Variants in A1CF observed in about 807,000 individuals in gnomAD.
A1CF encodes the protein APOBEC1 complementation factor.
A neutral mutation model predicts 68.9 loss-of-function variants in A1CF; 48 were observed. The observed-to-expected ratio is 0.70, with a 90% CI of 0.55 to 0.89. The LOEUF is 0.89. Ranked by LOEUF, A1CF falls within the 40% of genes least tolerant of loss-of-function variation. A1CF has a pLI of 0.00. For missense variants in A1CF, 653 were observed against 718.9 expected (o/e 0.91, Z 1.05); for synonymous variants, 272 against 260.4 (o/e 1.04, Z -0.43).
intron 11 of A1CF, among the ~76,000 whole-genome samples, chr10:50,810,528 T>G (rs981896347): frequency 2.0e-5 from 3 of 152,158 alleles, no homozygotes; most frequent in Non-Finnish European, 2.9e-5. Flanking sequence ...ATTGCCCAGG[T>G]TGGAGTGCAG....
chr10:50,835,031 A>G (rs1030029781), intron 6 of A1CF, among the ~76,000 whole-genome samples: 4 of 152,202 alleles, frequency 2.6e-5, no homozygotes, highest in African/African-American at 9.7e-5. Context: ...TGTGATTTAG[A>G]TGACTTGACC....
In A1CF at chr10:50,806,672, CTTT is replaced by C; in HGVS notation, c.*54_*56del. On this transcript the variant is annotated 3_prime_UTR_variant, in exon 13 of 13. Coordinates refer to ENST00000373997, the MANE Select transcript of A1CF (RefSeq NM_014576.4). Reference sequence around the variant, plus strand: ...TGGGGACCGAGTTAGAGGTTTATTTCTTTTTTTTTTTTAATAGAGTTTTGTGTG... The same window carrying C: ...TGGGGACCGAGTTAGAGGTTTATTTCTTTTTTTTTAATAGAGTTTTGTGTG... 7.1e-6 allele frequency: 8 copies of C among 1,121,996 alleles called. No individual in the cohort carries two copies. The highest frequency in any genetic ancestry group is 3.0e-5 in the East Asian group (1 of 33,376). The allele number at this position is 1,121,996 out of a possible 1,614,324, so 69.5% of individuals were successfully genotyped here.
intron 3 of A1CF, among the ~76,000 whole-genome samples, chr10:50,851,614 A>G (rs939864848): frequency 6.6e-6 from 1 of 152,112 alleles, no homozygotes; most frequent in Non-Finnish European, 1.5e-5. Flanking sequence ...GACACTGTCT[A>G]CTAAAAGCTC....
intron 1 of A1CF, among the ~76,000 whole-genome samples, chr10:50,879,871 GT>G (rs1841692462): frequency 6.6e-6 from 1 of 152,102 alleles, no homozygotes; most frequent in South Asian, 2.1e-4. Context: ...CACAAAATGG[GT>G]CTCCTTTAAC....
Position 50,803,129 on chromosome 10 carries a change from C to T in A1CF, c.*3600G>A, listed in dbSNP as rs1751553749. 1 of 152,388 alleles carries T rather than the reference C, an allele frequency of 6.6e-6. No homozygotes were observed. The highest frequency in any genetic ancestry group is 1.9e-4 in the East Asian group (1 of 5,186). 9.4% of individuals were successfully genotyped at this position (152,388 alleles called of 1,614,324 possible). On this transcript the variant is annotated 3_prime_UTR_variant, in exon 13 of 13. Transcript: ENST00000373997. ...TTGGAGACAGGGTCTTGCTCTGTCACCCAGGCTGGAGTGCAGCGATGTGAA... is the reference window on the plus strand; with the variant it reads ...TTGGAGACAGGGTCTTGCTCTGTCATCCAGGCTGGAGTGCAGCGATGTGAA...
intron 3 of A1CF, among the ~76,000 whole-genome samples, chr10:50,851,034 T>C (rs1840217816): frequency 6.6e-6 from 1 of 152,252 alleles, no homozygotes; most frequent in Non-Finnish European, 1.5e-5. Flanking sequence ...TTTGGGTAAT[T>C]GCTCTTCTAT....
At chr10:50,842,407 T>C (rs1839822415) in intron 4 of A1CF, among the ~76,000 whole-genome samples, 1 of 152,180 alleles carries the variant, frequency 6.6e-6, no homozygotes, top group African/African-American at 2.4e-5. Flanking sequence ...CCCTGGGAAT[T>C]TGAAACCAGT....
intron 7 of A1CF, among the ~76,000 whole-genome samples, chr10:50,825,670 GAAGA>G (rs1294319093): frequency 2.0e-5 from 3 of 152,140 alleles, no homozygotes; most frequent in South Asian, 2.1e-4. Flanking sequence ...CCTATATGGA[GAAGA>G]AAGAGATGGG....
At chr10:50,865,284 C>A (rs1229420221) in intron 1 of A1CF, among the ~76,000 whole-genome samples, 1 of 148,034 alleles carries the variant, frequency 6.8e-6, no homozygotes, top group Non-Finnish European at 1.5e-5. Flanking sequence ...ACTACTGCTG[C>A]TGCTGCTGCT....
At chr10:50,850,800 C>T (rs996319614) in intron 3 of A1CF, 8 of 1,609,708 alleles carry the variant, frequency 5.0e-6, no homozygotes, top group Non-Finnish European at 6.8e-6. Context: ...ATAGGAACCT[C>T]TAAATTCCTT....
intron 12 of A1CF, 148 bp downstream of exon 12, chr10:50,809,746 A>C (rs748521412): frequency 4.1e-6 from 5 of 1,232,142 alleles, no homozygotes; most frequent in Non-Finnish European, 5.6e-6. Flanking sequence ...TGAGTCACTC[A>C]TTTGGGAAAC....
chr10:50,831,690 T>G lies in A1CF; in HGVS notation c.605-3395A>C, dbSNP rs548307621. ...TTGCAGTGAGCCAAGATCATGCCAT[T>G]GCACTCTAGCCTGGGCAATAAGAGT... On this transcript the variant is annotated intron_variant, in intron 6 of 12. Transcript: ENST00000373997. 6.6e-5 allele frequency among the ~76,000 whole-genome samples: 10 copies of G among 152,286 alleles called. No homozygotes were observed. In the South Asian group the frequency reaches 2.1e-3, roughly 32 times the overall value.
Position 50,813,982 on chromosome 10 carries a change from C to T in A1CF, c.1198G>A (p.Gly400Ser). The T allele has an allele frequency of 6.2e-7, 1 of 1,613,844 alleles. No individual in the cohort carries two copies. The highest frequency in any genetic ancestry group is 8.5e-7 in the Non-Finnish European group (1 of 1,179,864). Residue 400 changes from glycine to serine, a missense_variant, in exon 10 of 13, where the codon GGT becomes AGT. Coordinates refer to ENST00000373997, the MANE Select transcript of A1CF (RefSeq NM_014576.4). The part of the protein sequence containing the change: ...GRGYLAYTGL[G>S]RGYQVKGDKR... ...TCTCCTTTGACCTGGTATCCTCGAC[C>T]CAGGCCTGTGTATGCCAAATAGCCA...
In A1CF at chr10:50,883,819, A is replaced by G. The variant is rs961683821; in HGVS notation, c.-94+1762T>C. ...TAATGGTTACGTGCTTGGGCTCTGG[A>G]TCAGACTACCAGACAAAGGAGCCTG... On this transcript the variant is annotated intron_variant, in intron 1 of 12. Transcript: ENST00000373997. Among the ~76,000 whole-genome samples, 3 of 152,186 alleles carry G rather than the reference A, an allele frequency of 2.0e-5. No homozygotes were observed. The East Asian group carries it at 5.8e-4, about 29-fold the overall frequency.
chr10:50,802,127 A>C lies in A1CF; in HGVS notation c.*4602T>G, dbSNP rs1588951271. On this transcript the variant is annotated 3_prime_UTR_variant, in exon 13 of 13. Transcript: ENST00000373997. Reference sequence around the variant, plus strand: ...TAAGAGAGGGAATGGGAGTCAGAAAAATCTCATTTTCCTTAGTTTCACTCA... The same window carrying C: ...TAAGAGAGGGAATGGGAGTCAGAAACATCTCATTTTCCTTAGTTTCACTCA... The C allele has an allele frequency of 1.3e-5, 2 of 152,300 alleles. No individual in the cohort carries two copies. 9.4% of individuals were successfully genotyped at this position (152,300 alleles called of 1,614,324 possible).
At chr10:50,863,599 C>T (rs943924192) in intron 2 of A1CF, among the ~76,000 whole-genome samples, 2 of 152,098 alleles carry the variant, frequency 1.3e-5, no homozygotes, top group Admixed American at 6.5e-5. Context: ...AACCAAACCT[C>T]TCATCCCCCA....
At chr10:50,870,669 G>A (rs2132577786) in intron 1 of A1CF, among the ~76,000 whole-genome samples, 1 of 151,826 alleles carries the variant, frequency 6.6e-6, no homozygotes, top group South Asian at 2.1e-4. Flanking sequence ...GATCCAGATG[G>A]TTTTATTAGG....
rs377164937 is a variant in A1CF at position 50,810,981 on chromosome 10, A to G, written c.1460+59T>C. The G allele has an allele frequency of 1.8e-5, 27 of 1,519,962 alleles. No homozygotes were observed. The East Asian group carries it at 5.1e-4, about 29-fold the overall frequency. 94.2% of individuals were successfully genotyped at this position (1,519,962 alleles called of 1,614,324 possible). ...TCTTGTTTAGATGGTGACTAAATGC[A>G]TTTAATTTATAAGTGTATCCTGCTC... On this transcript the variant is annotated intron_variant, in intron 11 of 12. Transcript: ENST00000373997.
chr10:50,877,953 T>G (rs1261485366), intron 1 of A1CF, among the ~76,000 whole-genome samples: 5 of 152,104 alleles, frequency 3.3e-5, no homozygotes, highest in African/African-American at 1.2e-4. Flanking sequence ...AAACCCTGTC[T>G]CTACCAAAAA....
Sources: gnomAD v4.1 joint callset for allele counts (sites outside exome capture counted in the v4.1 genomes callset) on GRCh38, gnomAD v4.1.1 for gene constraint, MANE v1.5 for transcripts, NCBI Gene and HGNC (gene_info 2026-07-23, HGNC 2026-07-21) for gene names.